Variants in DOCK11 observed in about 807,000 individuals in gnomAD.
The protein encoded by DOCK11 is dedicator of cytokinesis protein 11.
A neutral mutation model predicts 169.1 loss-of-function variants in DOCK11; 70 were observed. The ratio of observed to expected loss-of-function variants is 0.41; its 90% CI spans 0.34 to 0.51. The LOEUF (loss-of-function observed/expected upper bound fraction) is 0.51, where lower values mean the gene tolerates loss of function less well. DOCK11 is among the 20% of genes least tolerant of loss of function. DOCK11 has a pLI of 0.10. For missense variants in DOCK11, 1,166 were observed against 1,538.8 expected (o/e 0.76, Z 4.05); for synonymous variants, 529 against 541.3 (o/e 0.98, Z 0.32).
chrX:118,514,427 C>G (rs1271918229), intron 1 of DOCK11, among the ~76,000 whole-genome samples: 1 of 111,276 alleles, frequency 9.0e-6, no homozygotes, highest in Admixed American at 9.5e-5. Flanking sequence ...AAGTTATTGT[C>G]TTGAAATATC....
At chrX:118,653,292 A>G (rs1214370357) in intron 42 of DOCK11, among the ~76,000 whole-genome samples, 2 of 112,042 alleles carry the variant, frequency 1.8e-5, no homozygotes, top group Non-Finnish European at 3.8e-5. Context: ...CCTATTACGA[A>G]AAGATACAGC....
At chrX:118,598,597 G>A (rs1216190596) in intron 22 of DOCK11, among the ~76,000 whole-genome samples, 1 of 111,006 alleles carries the variant, frequency 9.0e-6, no homozygotes, top group Admixed American at 9.6e-5. Context: ...GTAATCAGGG[G>A]AATCAGGTCA....
rs1174495378 is a variant in DOCK11 at position 118,534,003 on chromosome X, C to G, written c.103-8722C>G. Among the ~76,000 whole-genome samples the G allele has an allele frequency of 2.7e-5, 3 of 112,102 alleles. No individual in the cohort carries two copies. In the Admixed American group the frequency reaches 2.8e-4, roughly 11 times the overall value. On this transcript the variant is annotated intron_variant, in intron 1 of 52. Coordinates refer to ENST00000276202, the MANE Select transcript of DOCK11 (RefSeq NM_144658.4). ...CTCCAAGGCACATTTCTTTTTCTTTCTGTCAATAATGGTGTACTAAAGAAT... is the reference window on the plus strand; with the variant it reads ...CTCCAAGGCACATTTCTTTTTCTTTGTGTCAATAATGGTGTACTAAAGAAT...
chrX:118,511,093 G>A (rs1901968990), intron 1 of DOCK11, among the ~76,000 whole-genome samples: 1 of 112,067 alleles, frequency 8.9e-6, no homozygotes, highest in Non-Finnish European at 1.9e-5. Flanking sequence ...GATGTGGATT[G>A]CATTTCCTAT....
At chrX:118,668,301 T>C (rs1288627005) in intron 45 of DOCK11, among the ~76,000 whole-genome samples, 1 of 112,061 alleles carries the variant, frequency 8.9e-6, no homozygotes, top group Non-Finnish European at 1.9e-5. Flanking sequence ...TTAAATATCA[T>C]GAATGGGTGT....
intron 1 of DOCK11, among the ~76,000 whole-genome samples, chrX:118,514,685 A>G (rs753315248): frequency 1.8e-5 from 2 of 111,707 alleles, no homozygotes; most frequent in African/African-American, 6.5e-5. Flanking sequence ...TTTTTCAAAC[A>G]CATTTCTATA....
intron 35 of DOCK11, chrX:118,634,360 A>G (rs763984542): frequency 8.9e-6 from 1 of 112,645 alleles, no homozygotes; most frequent in East Asian, 2.8e-4. Context: ...TCGCTCAACA[A>G]CAGTGCCGTT....
intron 27 of DOCK11, 108 bp from the exon 28 acceptor site, chrX:118,610,164 C>T (rs1906102260): frequency 1.2e-5 from 9 of 767,206 alleles, no homozygotes; most frequent in Non-Finnish European, 1.8e-5. Context: ...AACAATTATA[C>T]ATCAGTTTTA....
chrX:118,577,274 C>T (rs1202135106), intron 12 of DOCK11, among the ~76,000 whole-genome samples: 1 of 112,305 alleles, frequency 8.9e-6, no homozygotes, highest in African/African-American at 3.2e-5. Flanking sequence ...CGTTCAGCCT[C>T]ACAGCTCAAA....
rs756254195 is a variant in DOCK11, at chrX:118,545,282, T to C, written c.393-41T>C. ...TTTGTGTTGTTTTTCTTTTTTTTTT[T>C]GGTCTTTTTAGTGTCTAAGACAGTT... On this transcript the variant is annotated intron_variant, in intron 4 of 52. Transcript: ENST00000276202. The C allele has an allele frequency of 1.5e-5, 13 of 884,396 alleles. 1 individual carries two copies. Among genetic ancestry groups the C allele is most frequent in the Non-Finnish European group, 2.0e-5 (13 of 644,159 alleles). 72.9% of individuals were successfully genotyped at this position (884,396 alleles called of 1,213,427 possible). A position where few individuals can be genotyped will look rare whatever the true frequency, so the allele number is the denominator to read the frequency against.
chrX:118,570,466 G>A (rs2013238390), intron 10 of DOCK11, among the ~76,000 whole-genome samples: 1 of 112,334 alleles, frequency 8.9e-6, no homozygotes, highest in Non-Finnish European at 1.9e-5. Context: ...AGAGGGAGCT[G>A]TCTAGTCCCA....
chrX:118,616,976 C>T (rs753990354), intron 30 of DOCK11, among the ~76,000 whole-genome samples: 1 of 111,808 alleles, frequency 8.9e-6, no homozygotes, highest in African/African-American at 3.2e-5. Context: ...TTATTTATAA[C>T]TATGAGGAAG....
In DOCK11 at chrX:118,495,854, C is replaced by T; in HGVS notation, c.-118C>T. The T allele has an allele frequency of 3.6e-6, 1 of 277,800 alleles. No individual in the cohort carries two copies. Among genetic ancestry groups the T allele is most frequent in the South Asian group, 1.8e-4 (1 of 5,709 alleles). 22.9% of individuals were successfully genotyped at this position (277,800 alleles called of 1,213,427 possible). A position where few individuals can be genotyped will look rare whatever the true frequency, so the allele number is the denominator to read the frequency against. On this transcript the variant is annotated 5_prime_UTR_variant, in exon 1 of 53. Transcript: ENST00000276202. ...CGCCGCCGAGCTGCGATGTGGCCGG[C>T]CGGCCGGCGAGTAAACAGAGGGAGC...
Position 118,542,802 on chromosome X carries a change from C to T in DOCK11, c.180C>T (p.Pro60=). The T allele has an allele frequency of 8.3e-7, 1 of 1,209,443 alleles. No individual in the cohort carries two copies. Among genetic ancestry groups the T allele is most frequent in the Non-Finnish European group, 1.1e-6 (1 of 893,614 alleles). The change falls in exon 2 of 53, where the codon CCC becomes CCT. Residue 60 remains proline, a synonymous_variant. Coordinates refer to ENST00000276202, the MANE Select transcript of DOCK11 (RefSeq NM_144658.4). Reference sequence around the variant, plus strand: ...GAAAAACCCAGATTTACAGCGACCCCCTCCGAGATCTGCTTATGTTCCCAA... The same window carrying T: ...GAAAAACCCAGATTTACAGCGACCCTCTCCGAGATCTGCTTATGTTCCCAA... The part of the protein sequence containing the change: ...AQRKTQIYSD[P]LRDLLMFPME...
chrX:118,646,519 C>T (rs947208496), intron 40 of DOCK11, among the ~76,000 whole-genome samples: 1 of 111,109 alleles, frequency 9.0e-6, no homozygotes, highest in African/African-American at 3.3e-5. Context: ...ATTGTCATGA[C>T]GTATACGGAG....
chrX:118,623,610 C>T (rs558811062), intron 31 of DOCK11, among the ~76,000 whole-genome samples: 4 of 112,684 alleles, frequency 3.5e-5, no homozygotes, highest in African/African-American at 1.3e-4. Flanking sequence ...GGAAGAAAGT[C>T]TGTTAAGAAG....
At chrX:118,531,442 A>C (rs1245981764) in intron 1 of DOCK11, among the ~76,000 whole-genome samples, 3 of 94,282 alleles carry the variant, frequency 3.2e-5, no homozygotes, top group Non-Finnish European at 6.2e-5. Flanking sequence ...AAAAAAAAAA[A>C]AAAAAAAAAC....
At chrX:118,672,785 T>G (rs2016517749) in intron 46 of DOCK11, among the ~76,000 whole-genome samples, 1 of 112,691 alleles carries the variant, frequency 8.9e-6, no homozygotes, top group Admixed American at 9.4e-5. Context: ...GTTGACGTGG[T>G]TTCTGAGAGT....
chrX:118,648,457 G>A (rs1476297807), intron 40 of DOCK11, among the ~76,000 whole-genome samples: 1 of 95,136 alleles, frequency 1.1e-5, no homozygotes, highest in East Asian at 3.1e-4. Context: ...ACATCAACGT[G>A]CTGAGACAAT....
Sources: allele counts gnomAD v4.1 joint callset (sites outside exome capture counted in the v4.1 genomes callset), GRCh38; gene constraint gnomAD v4.1.1; transcripts MANE v1.5; gene names NCBI Gene and HGNC (gene_info 2026-07-23, HGNC 2026-07-21).